YWHAH: variants seen among roughly 807,000 people sequenced by gnomAD.
The protein encoded by YWHAH is tyrosine 3-monooxygenase/tryptophan 5-monooxygenase activation protein eta.
A neutral mutation model predicts 22.9 loss-of-function variants in YWHAH; 6 were observed. The ratio of observed to expected loss-of-function variants is 0.26; its 90% CI spans 0.14 to 0.52. YWHAH has a LOEUF of 0.52. YWHAH is among the 20% of genes least tolerant of loss of function. The probability of loss-of-function intolerance (pLI) is 0.97; values close to 1 mark genes in which losing one functional copy is unlikely to be tolerated. For synonymous variants in YWHAH, 135 were observed against 124.5 expected (o/e 1.08, Z -0.56); for missense variants, 173 against 308.6 (o/e 0.56, Z 3.29).
chr22:31,945,491 G>C lies in YWHAH; in HGVS notation c.87+671G>C, dbSNP rs961872285. Reference sequence around the variant, plus strand: ...CTGCTTGGAGATTAAAATGAAACGTGACTTCTAGGTGAGACGAATCTGTGT... The same window carrying C: ...CTGCTTGGAGATTAAAATGAAACGTCACTTCTAGGTGAGACGAATCTGTGT... On this transcript the variant is annotated intron_variant, in intron 1 of 1. Coordinates refer to ENST00000248975, the MANE Select transcript of YWHAH (RefSeq NM_003405.4). The C allele has an allele frequency of 6.1e-6, 8 of 1,304,128 alleles. No homozygotes were observed. In the African/African-American group the frequency reaches 7.6e-5, roughly 12 times the overall value. The allele number at this position is 1,304,128 out of a possible 1,614,324, so 80.8% of individuals were successfully genotyped here.
chr22:31,953,561 G>A (rs1388320306), intron 1 of YWHAH, among the ~76,000 whole-genome samples: 3 of 152,186 alleles, frequency 2.0e-5, no homozygotes, highest in Non-Finnish European at 4.4e-5. Context: ...TTTTCCGTAA[G>A]AAAATGTATG....
intron 1 of YWHAH, among the ~76,000 whole-genome samples, chr22:31,950,147 G>C (rs1173869999): frequency 1.6e-5 from 2 of 122,188 alleles, no homozygotes; most frequent in Non-Finnish European, 3.3e-5. Flanking sequence ...AGTTTCTCCT[G>C]AGTTAAGAAG....
chr22:31,944,831 C>T lies in YWHAH; in HGVS notation c.87+11C>T. On this transcript the variant is annotated intron_variant, in intron 1 of 1. Transcript: ENST00000248975. ...TCCGCTATGAAGGCGGTGAGCGCGCCGGGAGCCCGGGCGGCTGGCCGGGGG... is the reference window on the plus strand; with the variant it reads ...TCCGCTATGAAGGCGGTGAGCGCGCTGGGAGCCCGGGCGGCTGGCCGGGGG... 1 of 1,363,362 alleles carries T rather than the reference C, an allele frequency of 7.3e-7. No individual in the cohort carries two copies. The highest frequency in any genetic ancestry group is 9.5e-7 in the Non-Finnish European group (1 of 1,050,138). 84.5% of individuals were successfully genotyped at this position (1,363,362 alleles called of 1,614,324 possible). A position where few individuals can be genotyped will look rare whatever the true frequency, so the allele number is the denominator to read the frequency against.
At chr22:31,946,634 G>A (rs2093835183) in intron 1 of YWHAH, among the ~76,000 whole-genome samples, 1 of 152,170 alleles carries the variant, frequency 6.6e-6, no homozygotes, top group East Asian at 1.9e-4. Flanking sequence ...ATGGCTAGAA[G>A]GTGTGTTCTG....
intron 1 of YWHAH, among the ~76,000 whole-genome samples, chr22:31,952,218 A>G (rs540311816): frequency 6.6e-6 from 1 of 152,356 alleles, no homozygotes; most frequent in African/African-American, 2.4e-5. Flanking sequence ...CTTAGGTAGC[A>G]TGGTCGGGGC....
At chr22:31,945,345 C>T (rs1264869580) in intron 1 of YWHAH, 1 of 1,249,080 alleles carries the variant, frequency 8.0e-7, no homozygotes, top group Non-Finnish European at 1.0e-6. Flanking sequence ...CTTCCCACGC[C>T]TGGGGGTCTG....
chr22:31,955,957 C>CT (rs1432076941), intron 1 of YWHAH, among the ~76,000 whole-genome samples, 182 bp from the exon 2 acceptor site: 16 of 152,250 alleles, frequency 1.1e-4, no homozygotes, highest in African/African-American at 3.6e-4. Flanking sequence ...AGACTATAGT[C>CT]TTTCTTCACA....
rs1463057000 is a variant in YWHAH, at chr22:31,944,607, G to C, written c.-127G>C. The stretch of plus-strand genomic sequence containing the variant: ...CTGCAGCCTGCAGCCTGCAGCCTCC[G>C]GCCGGCCGGCGAGCCAGTGCGCGTG... On this transcript the variant is annotated 5_prime_UTR_variant, in exon 1 of 2. Transcript: ENST00000248975. 1.6e-6 allele frequency: 1 copy of C among 640,360 alleles called. No homozygotes were observed. The highest frequency in any genetic ancestry group is 2.1e-6 in the Non-Finnish European group (1 of 482,200). The allele number at this position is 640,360 out of a possible 1,614,324, so 39.7% of individuals were successfully genotyped here.
chr22:31,956,220 C>T lies in YWHAH; in HGVS notation c.169C>T (p.Arg57Ter), dbSNP rs747585534. The T allele has an allele frequency of 1.2e-6, 2 of 1,614,018 alleles. No individual in the cohort carries two copies. The highest frequency in any genetic ancestry group is 1.7e-6 in the Non-Finnish European group (2 of 1,180,014). Reference sequence around the variant, plus strand: ...CTACAAGAATGTGGTTGGTGCCAGGCGATCTTCCTGGAGGGTCATTAGCAG... The same window carrying T: ...CTACAAGAATGTGGTTGGTGCCAGGTGATCTTCCTGGAGGGTCATTAGCAG... The part of the protein sequence containing the change: ...VAYKNVVGAR[R>*]SSWRVISSIE... Residue 57 changes from arginine (R) to a stop codon, truncating the protein, a stop_gained, in exon 2 of 2, where the codon CGA becomes TGA. Coordinates refer to ENST00000248975, the MANE Select transcript of YWHAH (RefSeq NM_003405.4). LOFTEE classifies it high-confidence loss of function. The surrounding 1 kb of genome is among the most constrained non-coding windows in gnomAD (Gnocchi z 5.1).
chr22:31,955,335 G>C (rs1322661630), intron 1 of YWHAH, among the ~76,000 whole-genome samples: 2 of 151,974 alleles, frequency 1.3e-5, no homozygotes, highest in African/African-American at 2.4e-5. Flanking sequence ...GGAGTGGTTG[G>C]TTCTTTCCAG....
Position 31,956,657 on chromosome 22 carries a change from T to A in YWHAH, c.606T>A (p.Asp202Glu), listed in dbSNP as rs770826115. 1 of 1,614,172 alleles carries A rather than the reference T, an allele frequency of 6.2e-7. No homozygotes were observed. The highest frequency in any genetic ancestry group is 8.5e-7 in the Non-Finnish European group (1 of 1,180,040). Reference protein sequence around the residue: ...QACLLAKQAFDDAIAELDTLN... With the variant: ...QACLLAKQAFEDAIAELDTLN... ...GCCTCTTAGCCAAACAAGCCTTCGA[T>A]GATGCCATAGCTGAGCTGGACACAC... The change falls in exon 2 of 2, where the codon GAT becomes GAA. Residue 202 changes from aspartate to glutamate, a missense_variant. Transcript: ENST00000248975. The surrounding 1 kb of genome is among the most constrained non-coding windows in gnomAD (Gnocchi z 5.1).
intron 1 of YWHAH, chr22:31,945,351 G>A: frequency 2.4e-6 from 3 of 1,256,798 alleles, no homozygotes; most frequent in South Asian, 2.6e-5. Context: ...ACGCCTGGGG[G>A]TCTGGCTTTG....
At chr22:31,945,350 G>T in intron 1 of YWHAH, 1 of 1,255,584 alleles carries the variant, frequency 8.0e-7, no homozygotes, top group Non-Finnish European at 1.0e-6. Flanking sequence ...CACGCCTGGG[G>T]GTCTGGCTTT....
At chr22:31,955,602 C>T (rs996171091) in intron 1 of YWHAH, among the ~76,000 whole-genome samples, 2 of 151,984 alleles carry the variant, frequency 1.3e-5, no homozygotes, top group Non-Finnish European at 2.9e-5. Context: ...GCCACCACGC[C>T]CAGCTAATTT....
At position 31,944,617 on chromosome 22, in the gene YWHAH, C is replaced by T. The variant is rs2093830324; in HGVS notation, c.-117C>T. 2.6e-6 allele frequency: 2 copies of T among 758,286 alleles called. No homozygotes were observed. The highest frequency in any genetic ancestry group is 6.3e-5 in the South Asian group (1 of 15,798). The allele number at this position is 758,286 out of a possible 1,614,324, so 47.0% of individuals were successfully genotyped here. ...CAGCCTGCAGCCTCCGGCCGGCCGG[C>T]GAGCCAGTGCGCGTGCGCGGCGGCG... On this transcript the variant is annotated 5_prime_UTR_variant, in exon 1 of 2. Coordinates refer to ENST00000248975, the MANE Select transcript of YWHAH (RefSeq NM_003405.4).
chr22:31,945,205 C>T (rs1416040103), intron 1 of YWHAH: 6 of 1,116,660 alleles, frequency 5.4e-6, no homozygotes, highest in Non-Finnish European at 6.6e-6. Flanking sequence ...CGTCTTCCTC[C>T]GTTCCCCAAC....
At chr22:31,945,952 A>G (rs929246152) in intron 1 of YWHAH, among the ~76,000 whole-genome samples, 32 of 151,946 alleles carry the variant, frequency 2.1e-4, no homozygotes, top group Non-Finnish European at 4.1e-4. Context: ...GGGAGTTCCG[A>G]AAAAAAACTG....
chr22:31,949,522 G>A (rs544170361), intron 1 of YWHAH, among the ~76,000 whole-genome samples: 1 of 151,032 alleles, frequency 6.6e-6, no homozygotes, highest in African/African-American at 2.4e-5. Flanking sequence ...GTGGGGGGGG[G>A]AGTCATGCTC....
Position 31,944,735 on chromosome 22 carries a change from TGGGGGACCG to T in YWHAH, c.5_13del (p.GlyAspArg2_?4). 7.1e-7 allele frequency: 1 copy of T among 1,407,730 alleles called. No homozygotes were observed. Among genetic ancestry groups the T allele is most frequent in the Non-Finnish European group, 9.3e-7 (1 of 1,073,728 alleles). The allele number at this position is 1,407,730 out of a possible 1,614,324, so 87.2% of individuals were successfully genotyped here. On this transcript the variant is annotated start_lost and inframe_deletion, in exon 1 of 2. Transcript: ENST00000248975. ...AGGCGAGGCCGAGCCGCGAGCGACA[TGGGGGACCG>T]GGAGCAGCTGCTGCAGCGGGCGCGG...
Sources: allele counts gnomAD v4.1 joint callset (sites outside exome capture counted in the v4.1 genomes callset), GRCh38; gene constraint gnomAD v4.1.1; non-coding constraint Gnocchi (gnomAD v3.1); transcripts MANE v1.5; gene names NCBI Gene and HGNC (gene_info 2026-07-23, HGNC 2026-07-21).